The following SMAD6 variants were observed in gnomAD, a reference collection of about 807,000 sequenced individuals.
SMAD6 encodes the protein MAD homolog 6.
Under a neutral mutation model 39.4 loss-of-function variants are expected in SMAD6, and 103 were observed. The ratio of observed to expected loss-of-function variants is 2.62; its 90% CI spans 2.23 to 3.08. SMAD6 has a LOEUF of 3.08. SMAD6 is among the 30% of genes most tolerant of loss of function. The pLI, the probability that SMAD6 is intolerant of heterozygous loss-of-function variation, is 0.00. For synonymous variants in SMAD6, 445 were observed against 353.3 expected (o/e 1.26, Z -2.91); for missense variants, 1,104 against 742.9 (o/e 1.49, Z -5.65).
intron 3 of SMAD6, among the ~76,000 whole-genome samples, chr15:66,755,572 G>C (rs560562694): frequency 6.6e-6 from 1 of 152,264 alleles, no homozygotes; most frequent in East Asian, 1.9e-4. Context: ...GAGAGGTTGC[G>C]GTGCTCAGGG....
At chr15:66,737,098 G>A (rs1256458752) in intron 3 of SMAD6, among the ~76,000 whole-genome samples, 8 of 152,222 alleles carry the variant, frequency 5.3e-5, no homozygotes, top group Admixed American at 5.2e-4. Context: ...AAGGCAGAGA[G>A]CACAGGTCTC....
chr15:66,780,253 G>A (rs1034123538), intron 3 of SMAD6, among the ~76,000 whole-genome samples: 3 of 152,070 alleles, frequency 2.0e-5, no homozygotes, highest in African/African-American at 4.8e-5. Context: ...TCAGGTGGGC[G>A]GTACCAGGAG....
At chr15:66,708,683 GCCATATATTGTATGAA>G (rs1567093962) in intron 1 of SMAD6, 1 of 469,742 alleles carries the variant, frequency 2.1e-6, no homozygotes, top group Non-Finnish European at 4.4e-6. Flanking sequence ...GCCACAAAAG[GCCATATATTGTATGAA>G]ATGAAATGTC....
chr15:66,717,863 A>G (rs1275977425), intron 3 of SMAD6, among the ~76,000 whole-genome samples: 4 of 152,220 alleles, frequency 2.6e-5, no homozygotes, highest in Non-Finnish European at 4.4e-5. Context: ...TCCTTCTCTA[A>G]TAATTTATTT....
At chr15:66,735,293 G>C (rs985045560) in intron 3 of SMAD6, among the ~76,000 whole-genome samples, 1 of 152,216 alleles carries the variant, frequency 6.6e-6, no homozygotes, top group African/African-American at 2.4e-5. Flanking sequence ...CCTTGGCACT[G>C]TTGGGAGTTA....
intron 3 of SMAD6, among the ~76,000 whole-genome samples, chr15:66,767,548 G>A (rs751634852): frequency 1.3e-5 from 2 of 152,320 alleles, no homozygotes; most frequent in African/African-American, 4.8e-5. Context: ...TGCCTGCACA[G>A]TAGCACAGTC....
Position 66,702,729 on chromosome 15 carries a change from G to A in SMAD6, c.-530G>A, listed in dbSNP as rs1892999162. ...CTTTCCTTTTTTTTTTCTTTTTGCAGGGAGTAAGAAGGGAGCTGGGGGTAT... is the reference window on the plus strand; with the variant it reads ...CTTTCCTTTTTTTTTTCTTTTTGCAAGGAGTAAGAAGGGAGCTGGGGGTAT... On this transcript the variant is annotated 5_prime_UTR_variant, in exon 1 of 4. Coordinates refer to ENST00000288840, the MANE Select transcript of SMAD6 (RefSeq NM_005585.5). 6.6e-6 allele frequency: 1 copy of A among 152,234 alleles called. No individual in the cohort carries two copies. Among genetic ancestry groups the A allele is most frequent in the East Asian group, 1.9e-4 (1 of 5,190 alleles). The allele number at this position is 152,234 out of a possible 1,614,324, so 9.4% of individuals were successfully genotyped here. A position where few individuals can be genotyped will look rare whatever the true frequency, so the allele number is the denominator to read the frequency against.
chr15:66,703,780 C>T lies in SMAD6; in HGVS notation c.522C>T (p.Thr174=), dbSNP rs1219132545. ...RLLLLEQELK[T]VTYSLLKRLK... ...TGCTGCTGGAGCAGGAACTCAAAAC[C>T]GTCACGTACTCGCTGCTGAAGCGGC... The change falls in exon 1 of 4, where the codon ACC becomes ACT. Residue 174 remains threonine (T), a synonymous_variant. Coordinates refer to ENST00000288840, the MANE Select transcript of SMAD6 (RefSeq NM_005585.5). 13 of 1,436,728 alleles carry T rather than the reference C, an allele frequency of 9.0e-6. No homozygotes were observed. The East Asian group carries it at 1.3e-4, about 14-fold the overall frequency. The allele number at this position is 1,436,728 out of a possible 1,614,324, so 89.0% of individuals were successfully genotyped here.
intron 3 of SMAD6, among the ~76,000 whole-genome samples, chr15:66,722,444 G>T (rs1180910205): frequency 6.6e-6 from 1 of 152,230 alleles, no homozygotes; most frequent in East Asian, 1.9e-4. Flanking sequence ...GTCCCTTTGG[G>T]TTTAAGAGGT....
intron 3 of SMAD6, among the ~76,000 whole-genome samples, chr15:66,776,452 T>C (rs1424332904): frequency 1.3e-5 from 2 of 152,242 alleles, no homozygotes; most frequent in African/African-American, 2.4e-5. Flanking sequence ...GACTGAGGCT[T>C]GGAGACGTTT....
At chr15:66,759,840 C>T (rs535467456) in intron 3 of SMAD6, among the ~76,000 whole-genome samples, 2 of 152,318 alleles carry the variant, frequency 1.3e-5, no homozygotes, top group East Asian at 3.9e-4. Context: ...TGAGCAGGGT[C>T]CCTGCCCTCT....
intron 3 of SMAD6, among the ~76,000 whole-genome samples, chr15:66,767,868 C>CTT (rs1894314876): frequency 3.4e-5 from 5 of 148,874 alleles, no homozygotes; most frequent in Non-Finnish European, 7.4e-5. Flanking sequence ...TAACAAAAGG[C>CTT]TATTTTAAAG....
intron 3 of SMAD6, among the ~76,000 whole-genome samples, chr15:66,735,663 G>T (rs2439384): frequency 4.6e-5 from 7 of 152,272 alleles, no homozygotes; most frequent in African/African-American, 1.7e-4. Context: ...CTGGAGTCCA[G>T]CTCAGCCTGA....
chr15:66,772,683 AT>A (rs1309149950), intron 3 of SMAD6, among the ~76,000 whole-genome samples: 1 of 152,204 alleles, frequency 6.6e-6, no homozygotes, highest in Non-Finnish European at 1.5e-5. Flanking sequence ...GTAACCACTG[AT>A]TGCATCCCTG....
intron 3 of SMAD6, among the ~76,000 whole-genome samples, chr15:66,773,574 T>A (rs1484884203): frequency 3.3e-5 from 5 of 151,884 alleles, no homozygotes; most frequent in Admixed American, 1.3e-4. Context: ...TTAAAAGGGG[T>A]GTTAGGTTAA....
At position 66,738,497 on chromosome 15, in the gene SMAD6, C is replaced by G. The variant is rs889883698; in HGVS notation, c.952+21999C>G. On this transcript the variant is annotated intron_variant, in intron 3 of 3. Transcript: ENST00000288840. ...TAGAAAAATATTGCCTGTTCCACAA[C>G]CGCCATGCCCAGTTTCCTTTCTGTC... Among the ~76,000 whole-genome samples, 9 of 152,214 alleles carry G rather than the reference C, an allele frequency of 5.9e-5. 1 individual carries two copies. The highest frequency in any genetic ancestry group is 2.9e-5 in the Non-Finnish European group (2 of 68,044).
rs777669717 is a variant in SMAD6 at position 66,781,205 on chromosome 15, C to T, written c.1161C>T (p.Ile387=). The T allele has an allele frequency of 3.1e-5, 50 of 1,608,248 alleles. No homozygotes were observed. Among genetic ancestry groups the T allele is most frequent in the East Asian group, 4.5e-5 (2 of 44,894 alleles). Residue 387 remains isoleucine (I), a synonymous_variant, in exon 4 of 4, where the codon ATC becomes ATT. Coordinates refer to ENST00000288840, the MANE Select transcript of SMAD6 (RefSeq NM_005585.5). ...CGGTGCGGCGAACGCGCAGCAAGAT[C>T]GGCTTCGGCATCCTGCTCAGCAAGG... ...SESVRRTRSK[I]GFGILLSKEP...
chr15:66,704,005 C>T lies in SMAD6; in HGVS notation c.747C>T (p.Ser249=), dbSNP rs769678314. 6 of 1,495,002 alleles carry T rather than the reference C, an allele frequency of 4.0e-6. No individual in the cohort carries two copies. The highest frequency in any genetic ancestry group is 4.3e-5 in the Admixed American group (2 of 46,244). The allele number at this position is 1,495,002 out of a possible 1,614,324, so 92.6% of individuals were successfully genotyped here. A position where few individuals can be genotyped will look rare whatever the true frequency, so the allele number is the denominator to read the frequency against. The part of the protein sequence containing the change: ...VELKPLCGCH[S]FAAAADGPTV... Reference sequence around the variant, plus strand: ...TGAAGCCCCTGTGCGGCTGCCACAGCTTCGCCGCCGCCGCCGACGGCCCTA... The same window carrying T: ...TGAAGCCCCTGTGCGGCTGCCACAGTTTCGCCGCCGCCGCCGACGGCCCTA... The change falls in exon 1 of 4, where the codon AGC becomes AGT. Residue 249 remains serine (S), a synonymous_variant. Coordinates refer to ENST00000288840, the MANE Select transcript of SMAD6 (RefSeq NM_005585.5).
intron 3 of SMAD6, among the ~76,000 whole-genome samples, chr15:66,773,016 C>G (rs1469399588): frequency 6.6e-6 from 1 of 152,224 alleles, no homozygotes; most frequent in East Asian, 1.9e-4. Flanking sequence ...CCCTCCACCC[C>G]CAGCCGACTA....
Sources: allele counts gnomAD v4.1 joint callset (sites outside exome capture counted in the v4.1 genomes callset), GRCh38; gene constraint gnomAD v4.1.1; transcripts MANE v1.5; gene names NCBI Gene and HGNC (gene_info 2026-07-23, HGNC 2026-07-21).